Variants in ADGRB3 observed in about 807,000 individuals in gnomAD.
ADGRB3 encodes the protein brain-specific angiogenesis inhibitor 3.
Under a neutral mutation model 193.4 loss-of-function variants are expected in ADGRB3, and 37 were observed. That is an observed-to-expected ratio of 0.19 (90% CI 0.15 to 0.25). ADGRB3 has a LOEUF of 0.25. Among genes scored for constraint, ADGRB3 ranks in the 10% least tolerant of loss-of-function variants. The pLI, the probability that ADGRB3 is intolerant of heterozygous loss-of-function variation, is 1.00. For synonymous variants in ADGRB3, 690 were observed against 644.2 expected, an observed-to-expected ratio of 1.07 and a Z score of -1.08; for missense variants, 1,637 against 1,852.9, an observed-to-expected ratio of 0.88 and a Z score of 2.14.
chr6:69,212,014 C>T (rs1443549052), intron 17 of ADGRB3, among the ~76,000 whole-genome samples: 1 of 152,142 alleles, frequency 6.6e-6, no homozygotes, highest in Non-Finnish European at 1.5e-5. Flanking sequence ...ATTTAGCAGA[C>T]TGACTTTTAT....
intron 3 of ADGRB3, among the ~76,000 whole-genome samples, chr6:68,661,304 T>C (rs1026852175): frequency 5.5e-5 from 7 of 128,326 alleles, no homozygotes. Context: ...TATATATATA[T>C]ATGTGTGTGT....
In ADGRB3 at chr6:69,128,442, A is replaced by G. The variant is rs557134086; in HGVS notation, c.2480+52404A>G. ...AAGACAATTATTTTTCTGTAACAGT[A>G]ATATCAATAACTTAAAATGTTGCTT... On this transcript the variant is annotated intron_variant, in intron 17 of 31. Transcript: ENST00000370598. 2.6e-5 allele frequency among the ~76,000 whole-genome samples: 4 copies of G among 152,268 alleles called. No individual in the cohort carries two copies. In the South Asian group the frequency reaches 8.3e-4, roughly 32 times the overall value.
chr6:69,126,383 G>T lies in ADGRB3; in HGVS notation c.2480+50345G>T, dbSNP rs534796721. Among the ~76,000 whole-genome samples, 6 of 152,258 alleles carry T rather than the reference G, an allele frequency of 3.9e-5. No homozygotes were observed. The South Asian group carries it at 1.2e-3, about 32-fold the overall frequency. On this transcript the variant is annotated intron_variant, in intron 17 of 31. Transcript: ENST00000370598. Reference sequence around the variant, plus strand: ...TACAAGCTAGAGAACCAGGAACGTTGGTAGAGTGGCTCAGTCCAAGCCCAA... The same window carrying T: ...TACAAGCTAGAGAACCAGGAACGTTTGTAGAGTGGCTCAGTCCAAGCCCAA...
intron 29 of ADGRB3, among the ~76,000 whole-genome samples, chr6:69,365,576 A>G (rs1769550457): frequency 6.6e-6 from 1 of 152,106 alleles, no homozygotes; most frequent in South Asian, 2.1e-4. Context: ...CTTATCAATA[A>G]AAAACTTAAT....
chr6:68,768,458 T>G (rs996967822), intron 3 of ADGRB3, among the ~76,000 whole-genome samples: 1 of 152,150 alleles, frequency 6.6e-6, no homozygotes, highest in Non-Finnish European at 1.5e-5. Context: ...CCCTACTTAA[T>G]AATTGGTGTT....
chr6:69,155,990 C>T (rs1774828185), intron 17 of ADGRB3, among the ~76,000 whole-genome samples: 1 of 151,988 alleles, frequency 6.6e-6, no homozygotes, highest in Non-Finnish European at 1.5e-5. Flanking sequence ...TAAAAATAAA[C>T]ACAAAATAAT....
At chr6:68,688,948 T>C (rs999428114) in intron 3 of ADGRB3, among the ~76,000 whole-genome samples, 1 of 152,148 alleles carries the variant, frequency 6.6e-6, no homozygotes, top group African/African-American at 2.4e-5. Flanking sequence ...TGTCAGATTA[T>C]AGATTTCTTC....
intron 17 of ADGRB3, among the ~76,000 whole-genome samples, chr6:69,150,598 G>C (rs1033063054): frequency 1.3e-5 from 2 of 152,204 alleles, no homozygotes; most frequent in African/African-American, 2.4e-5. Context: ...TTGGTGCTCT[G>C]CCCAATTGTG....
intron 3 of ADGRB3, among the ~76,000 whole-genome samples, chr6:68,674,484 G>A (rs1357438197): frequency 6.6e-6 from 1 of 151,976 alleles, no homozygotes; most frequent in Non-Finnish European, 1.5e-5. Flanking sequence ...TTCTATTTTT[G>A]AGATGTTTAC....
chr6:69,327,921 A>G, intron 22 of ADGRB3, 32 bp downstream of exon 22: 1 of 1,552,880 alleles, frequency 6.4e-7, no homozygotes, highest in African/African-American at 1.4e-5. Flanking sequence ...AATCATGTTT[A>G]TAATTTAACA....
chr6:69,013,571 A>G (rs1219553696), intron 11 of ADGRB3, among the ~76,000 whole-genome samples: 1 of 152,118 alleles, frequency 6.6e-6, no homozygotes, highest in Non-Finnish European at 1.5e-5. Context: ...CAAGATTTCA[A>G]CTGAGGGAGC....
intron 3 of ADGRB3, among the ~76,000 whole-genome samples, chr6:68,789,444 G>A (rs1479921528): frequency 1.3e-5 from 2 of 152,110 alleles, no homozygotes; most frequent in Non-Finnish European, 2.9e-5. Context: ...GAAATTCTGG[G>A]TTGAAAATTC....
chr6:68,978,239 A>G (rs976180091), intron 10 of ADGRB3, among the ~76,000 whole-genome samples: 1 of 151,482 alleles, frequency 6.6e-6, no homozygotes, highest in African/African-American at 2.4e-5. Context: ...GGAACTCAAC[A>G]TATTGTTAAT....
At chr6:68,815,644 T>C (rs1767619241) in intron 3 of ADGRB3, among the ~76,000 whole-genome samples, 1 of 146,450 alleles carries the variant, frequency 6.8e-6, no homozygotes, top group African/African-American at 2.5e-5. Context: ...TGTGTGTGCA[T>C]GTAGATCTCA....
Position 69,002,143 on chromosome 6 carries a change from C to A in ADGRB3, c.1929+8181C>A, listed in dbSNP as rs569005752. On this transcript the variant is annotated intron_variant, in intron 11 of 31. Transcript: ENST00000370598. ...TTTTAAGTTCAGACTATATTCTAAACGAATGATCAGAGGTAGGTGATCAAG... is the reference window on the plus strand; with the variant it reads ...TTTTAAGTTCAGACTATATTCTAAAAGAATGATCAGAGGTAGGTGATCAAG... Among the ~76,000 whole-genome samples, 4 of 151,468 alleles carry A rather than the reference C, an allele frequency of 2.6e-5. No homozygotes were observed. The East Asian group carries it at 7.7e-4, about 29-fold the overall frequency.
chr6:68,981,914 A>G (rs1344210739), intron 10 of ADGRB3, among the ~76,000 whole-genome samples: 2 of 151,030 alleles, frequency 1.3e-5, no homozygotes, highest in Admixed American at 6.6e-5. Flanking sequence ...GTCTCACTCT[A>G]TTGCCCAGGC....
intron 3 of ADGRB3, among the ~76,000 whole-genome samples, chr6:68,653,655 T>C (rs916105549): frequency 6.6e-6 from 1 of 152,096 alleles, no homozygotes; most frequent in African/African-American, 2.4e-5. Context: ...TCTTTCAACA[T>C]TTAAAGATAC....
intron 30 of ADGRB3, among the ~76,000 whole-genome samples, chr6:69,375,376 T>C (rs777705230): frequency 1.3e-5 from 2 of 151,542 alleles, no homozygotes; most frequent in Non-Finnish European, 2.9e-5. Context: ...TTCCTGGAGG[T>C]GGTAGGAAGA....
At chr6:69,366,709 G>A (rs1769575697) in intron 29 of ADGRB3, among the ~76,000 whole-genome samples, 1 of 152,066 alleles carries the variant, frequency 6.6e-6, no homozygotes, top group South Asian at 2.1e-4. Flanking sequence ...TTTTCGTTGT[G>A]TGTTTAGTCT....
Sources: gnomAD v4.1 joint callset for allele counts (sites outside exome capture counted in the v4.1 genomes callset) on GRCh38, gnomAD v4.1.1 for gene constraint, MANE v1.5 for transcripts, NCBI Gene and HGNC (gene_info 2026-07-23, HGNC 2026-07-21) for gene names.